The following ADCK1 variants were observed in gnomAD, a reference collection of about 807,000 sequenced individuals.
ADCK1 encodes the protein aarF domain-containing protein kinase 1.
In ADCK1, 41 loss-of-function variants were observed where a neutral mutation model predicts 52.3. The ratio of observed to expected loss-of-function variants is 0.78; its 90% CI spans 0.61 to 1.02. The LOEUF (loss-of-function observed/expected upper bound fraction) is 1.02, where lower values mean the gene tolerates loss of function less well. Ranked by LOEUF, ADCK1 falls within the 50% of genes least tolerant of loss-of-function variation. The pLI is 0.00. For synonymous variants in ADCK1, 250 were observed against 274.6 expected, an observed-to-expected ratio of 0.91 and a Z score of 0.89; for missense variants, 658 against 679.5, an observed-to-expected ratio of 0.97 and a Z score of 0.35.
At chr14:77,876,933 G>A (rs190913997) in intron 4 of ADCK1, among the ~76,000 whole-genome samples, 329 of 152,304 alleles carry the variant, frequency 2.2e-3, no homozygotes, top group Non-Finnish European at 3.1e-3. Context: ...AGAGCTTTGG[G>A]GCTGGGTGCA....
intron 2 of ADCK1, 72 bp from the exon 3 acceptor site, chr14:77,822,363 T>G (rs1324216854): frequency 5.6e-6 from 7 of 1,259,882 alleles, no homozygotes; most frequent in Non-Finnish European, 8.2e-6. Context: ...GGACCTGTAC[T>G]GCAAGGTTTG....
chr14:77,806,333 C>T (rs1255648712), intron 1 of ADCK1, among the ~76,000 whole-genome samples: 1 of 152,004 alleles, frequency 6.6e-6, no homozygotes, highest in Non-Finnish European at 1.5e-5. Flanking sequence ...AAACTATATT[C>T]CTCCCAAAGT....
At chr14:77,905,537 A>G (rs561326262) in intron 6 of ADCK1, among the ~76,000 whole-genome samples, 1 of 151,692 alleles carries the variant, frequency 6.6e-6, no homozygotes, top group East Asian at 2.0e-4. Context: ...GGGGCTGGCT[A>G]GAGATTTGAC....
At chr14:77,812,815 C>T (rs2081362592) in intron 1 of ADCK1, among the ~76,000 whole-genome samples, 1 of 151,838 alleles carries the variant, frequency 6.6e-6, no homozygotes, top group Admixed American at 6.6e-5. Flanking sequence ...GTCTCGAACT[C>T]CTGGGCTCAA....
At chr14:77,849,658 C>T (rs1025867527) in intron 3 of ADCK1, among the ~76,000 whole-genome samples, 4 of 151,878 alleles carry the variant, frequency 2.6e-5, no homozygotes, top group Admixed American at 2.0e-4. Context: ...CATTATGTTG[C>T]CCAGGCTGCT....
chr14:77,860,217 G>C (rs546621237), intron 4 of ADCK1, among the ~76,000 whole-genome samples: 3 of 152,278 alleles, frequency 2.0e-5, no homozygotes, highest in Non-Finnish European at 2.9e-5. Context: ...TGTGTCTAAG[G>C]ATTTCCCTGC....
chr14:77,844,091 A>G (rs2082127641), intron 3 of ADCK1, among the ~76,000 whole-genome samples: 1 of 152,014 alleles, frequency 6.6e-6, no homozygotes, highest in South Asian at 2.1e-4. Context: ...TTCTGGAGAC[A>G]GAGTCTCACT....
chr14:77,831,578 CTTTTA>C (rs2081850454), intron 3 of ADCK1, among the ~76,000 whole-genome samples: 1 of 152,280 alleles, frequency 6.6e-6, no homozygotes, highest in Admixed American at 6.5e-5. Flanking sequence ...ACACTGTCAA[CTTTTA>C]TTTTATTTAT....
At chr14:77,845,075 G>C in intron 3 of ADCK1, among the ~76,000 whole-genome samples, 1 of 152,242 alleles carries the variant, frequency 6.6e-6, no homozygotes, top group East Asian at 1.9e-4. Context: ...GATTTGTTCA[G>C]GATTGCATAA....
At chr14:77,828,340 G>A (rs1441251716) in intron 3 of ADCK1, among the ~76,000 whole-genome samples, 1 of 152,196 alleles carries the variant, frequency 6.6e-6, no homozygotes, top group Non-Finnish European at 1.5e-5. Flanking sequence ...GAAATGAGAA[G>A]CTTTGCTTAA....
In ADCK1 at chr14:77,931,559, G is replaced by C; in HGVS notation, c.1248G>C (p.Gln416His). ...IRNNAANYLP[Q>H]ISHLLNHVPR... is the part of the protein sequence containing the mutation. ...ACAACGCGGCCAACTACCTCCCCCA[G>C]ATCAGCCATCTCCTCAACCACGTGC... The change falls in exon 10 of 11, where the codon CAG becomes CAC. Residue 416 changes from glutamine (Q) to histidine (H), a missense_variant. Coordinates refer to ENST00000238561, the MANE Select transcript of ADCK1 (RefSeq NM_020421.4). The C allele has an allele frequency of 6.2e-7, 1 of 1,614,072 alleles. No individual in the cohort carries two copies. The highest frequency in any genetic ancestry group is 8.5e-7 in the Non-Finnish European group (1 of 1,180,010).
At chr14:77,811,633 T>A (rs887852277) in intron 1 of ADCK1, among the ~76,000 whole-genome samples, 3 of 152,128 alleles carry the variant, frequency 2.0e-5, no homozygotes, top group African/African-American at 7.2e-5. Context: ...AGAGACCCTG[T>A]CACTACAAAA....
chr14:77,914,503 C>T, intron 7 of ADCK1: 3 of 985,436 alleles, frequency 3.0e-6, no homozygotes, highest in Non-Finnish European at 3.6e-6. Context: ...CATGTGCAAG[C>T]ACTGAGTGCA....
At chr14:77,879,579 C>G (rs1242439788) in intron 4 of ADCK1, among the ~76,000 whole-genome samples, 1 of 152,156 alleles carries the variant, frequency 6.6e-6, no homozygotes, top group African/African-American at 2.4e-5. Context: ...TAGGCCGGGT[C>G]AGACCCCATG....
rs762417733 is a variant in ADCK1, at chr14:77,933,412, C to G, written c.*21C>G. ...TCTGAGTGGAATTGCTCTCCCTGCC[C>G]CATTCTGGTGTCTTTCCACTCCTCA... On this transcript the variant is annotated 3_prime_UTR_variant, in exon 11 of 11. Coordinates refer to ENST00000238561, the MANE Select transcript of ADCK1 (RefSeq NM_020421.4). 6 of 1,611,142 alleles carry G rather than the reference C, an allele frequency of 3.7e-6. No individual in the cohort carries two copies. The highest frequency in any genetic ancestry group is 5.1e-6 in the Non-Finnish European group (6 of 1,177,990).
At position 77,848,053 on chromosome 14, in the gene ADCK1, TTTC is replaced by T. The variant is rs1031718938; in HGVS notation, c.220-11014_220-11012del. 7.9e-5 allele frequency among the ~76,000 whole-genome samples: 12 copies of T among 152,328 alleles called. No homozygotes were observed. In the Middle Eastern group the frequency reaches 0.01, roughly 130 times the overall value. ...AGTGGGTAGTGGCCACCTGGATGTT[TTTC>T]TTCTTCTTTTAAAAATTTTTTAAAA... is the stretch of plus-strand genomic sequence containing the variant. On this transcript the variant is annotated intron_variant, in intron 3 of 10. Transcript: ENST00000238561.
chr14:77,820,020 A>G (rs2081546066), intron 2 of ADCK1, among the ~76,000 whole-genome samples: 1 of 152,230 alleles, frequency 6.6e-6, no homozygotes, highest in Non-Finnish European at 1.5e-5. Context: ...TAATCAGGCT[A>G]CGGAACATAA....
At chr14:77,833,619 C>T (rs2081902700) in intron 3 of ADCK1, among the ~76,000 whole-genome samples, 1 of 152,152 alleles carries the variant, frequency 6.6e-6, no homozygotes, top group Non-Finnish European at 1.5e-5. Flanking sequence ...TCCACAGTGG[C>T]CCTGACCTCA....
intron 3 of ADCK1, among the ~76,000 whole-genome samples, chr14:77,856,642 C>T (rs1188322922): frequency 2.6e-5 from 4 of 152,184 alleles, no homozygotes; most frequent in African/African-American, 9.7e-5. Flanking sequence ...CTAATCAACA[C>T]TGAGTTGATC....
Sources: gnomAD v4.1 joint callset for allele counts (sites outside exome capture counted in the v4.1 genomes callset) on GRCh38, gnomAD v4.1.1 for gene constraint, MANE v1.5 for transcripts, NCBI Gene and HGNC (gene_info 2026-07-23, HGNC 2026-07-21) for gene names.